The following DGKD variants were observed in gnomAD, a reference collection of about 807,000 sequenced individuals.
The protein encoded by DGKD is DAG kinase delta.
DGKD carries 68 observed loss-of-function variants against 154.4 expected under a neutral mutation model. That is an observed-to-expected ratio of 0.44 (90% CI 0.36 to 0.54). The LOEUF is 0.54. Among genes scored for constraint, DGKD ranks in the 20% least tolerant of loss-of-function variants. DGKD has a pLI of 0.00. For missense variants in DGKD, 1,343 were observed against 1,593.6 expected (o/e 0.84, Z 2.68); for synonymous variants, 693 against 638.0 (o/e 1.09, Z -1.30).
Position 233,464,060 on chromosome 2 carries a change from T to C in DGKD, c.3187-104T>C, listed in dbSNP as rs60111377. Reference sequence around the variant, plus strand: ...CGTTTCTGGAAAGTGAGCTCCCTGATCAGAGCAGAGCAGAGCCCTGGAGCG... The same window carrying C: ...CGTTTCTGGAAAGTGAGCTCCCTGACCAGAGCAGAGCAGAGCCCTGGAGCG... On this transcript the variant is annotated intron_variant, in intron 26 of 29. Coordinates refer to ENST00000264057, the MANE Select transcript of DGKD (RefSeq NM_152879.3). The C allele has an allele frequency of 3.0e-3, 4,464 of 1,488,930 alleles. 124 individuals carry two copies. The African/African-American group carries it at 0.055, about 18-fold the overall frequency. The allele number at this position is 1,488,930 out of a possible 1,614,324, so 92.2% of individuals were successfully genotyped here.
chr2:233,420,102 T>A (rs555018155), intron 3 of DGKD, among the ~76,000 whole-genome samples: 1 of 152,212 alleles, frequency 6.6e-6, no homozygotes, highest in South Asian at 2.1e-4. Flanking sequence ...GGCAGGGGCC[T>A]GGTGGGGTGT....
At position 233,464,159 on chromosome 2, in the gene DGKD, A is replaced by G; in HGVS notation, c.3187-5A>G. 1 of 1,613,314 alleles carries G rather than the reference A, an allele frequency of 6.2e-7. No individual in the cohort carries two copies. Among genetic ancestry groups the G allele is most frequent in the Non-Finnish European group, 8.5e-7 (1 of 1,180,016 alleles). On this transcript the variant is annotated splice_region_variant and splice_polypyrimidine_tract_variant and intron_variant, in intron 26 of 29. Transcript: ENST00000264057. ...TTTCTCTCTCCCTCCCTCCGCCTGG[A>G]GCAGCAGCTGGATCCGCCTCAGAAG... is the stretch of plus-strand genomic sequence containing the variant.
Position 233,458,344 on chromosome 2 carries a change from A to G in DGKD, c.2641A>G (p.Met881Val), listed in dbSNP as rs1430590835. 1 of 1,612,376 alleles carries G rather than the reference A, an allele frequency of 6.2e-7. No individual in the cohort carries two copies. Among genetic ancestry groups the G allele is most frequent in the Non-Finnish European group, 8.5e-7 (1 of 1,179,924 alleles). The change falls in exon 22 of 30, where the codon ATG becomes GTG. Residue 881 changes from methionine (M) to valine (V), a missense_variant. This residue lies in a region of DGKD where 429 missense variants were observed against 496.3 expected (regional missense o/e 0.86). Transcript: ENST00000264057. This position sits in a 1 kb window ranked among gnomAD's most constrained non-coding sequence, Gnocchi z 6.6. ...ILEVVAVFGS[M>V]QMAVSRVIRL... ...GGAGGTGGTCGCCGTGTTCGGCAGC[A>G]TGCAGATGGCCGTCTCTCGAGTCAT... is the stretch of plus-strand genomic sequence containing the variant.
At chr2:233,370,045 A>C (rs1280883018) in intron 1 of DGKD, among the ~76,000 whole-genome samples, 1 of 152,106 alleles carries the variant, frequency 6.6e-6, no homozygotes, top group African/African-American at 2.4e-5. Context: ...AAGTACATTA[A>C]TGGTATTGTG....
chr2:233,417,655 T>C (rs1172691919), intron 3 of DGKD, among the ~76,000 whole-genome samples: 1 of 152,172 alleles, frequency 6.6e-6, no homozygotes, highest in Non-Finnish European at 1.5e-5. Context: ...TTATAGATAA[T>C]TAAGTGCAGA....
At chr2:233,399,605 G>T (rs1330823085) in intron 3 of DGKD, among the ~76,000 whole-genome samples, 2 of 152,324 alleles carry the variant, frequency 1.3e-5, no homozygotes, top group Non-Finnish European at 2.9e-5. Flanking sequence ...GGTGCGCTGG[G>T]TGAGCAGCCT....
chr2:233,420,804 G>A (rs1476903821), intron 3 of DGKD, among the ~76,000 whole-genome samples: 1 of 152,200 alleles, frequency 6.6e-6, no homozygotes, highest in Admixed American at 6.5e-5. Flanking sequence ...GCTGGTTTTC[G>A]TGGCCTCTGT....
At chr2:233,446,578 A>G in intron 11 of DGKD, 134 bp from the exon 12 acceptor site, 1 of 818,602 alleles carries the variant, frequency 1.2e-6, no homozygotes, top group East Asian at 2.6e-5. Flanking sequence ...GACAGAGTCA[A>G]GACCAAGGGC....
chr2:233,423,048 G>A (rs1218954846), intron 3 of DGKD, among the ~76,000 whole-genome samples: 1 of 152,168 alleles, frequency 6.6e-6, no homozygotes, highest in South Asian at 2.1e-4. Flanking sequence ...TTCACTCAGC[G>A]TAATTCCCTG....
intron 19 of DGKD, among the ~76,000 whole-genome samples, chr2:233,455,915 C>G (rs1005790630): frequency 6.6e-6 from 1 of 152,208 alleles, no homozygotes; most frequent in African/African-American, 2.4e-5. Flanking sequence ...AGGGACATAT[C>G]CCTGTACAGC....
chr2:233,464,967 A>G (rs1190047042), intron 27 of DGKD, among the ~76,000 whole-genome samples: 2 of 152,250 alleles, frequency 1.3e-5, no homozygotes, highest in Non-Finnish European at 2.9e-5. Context: ...AAACCTGGGC[A>G]CCCCTGCCCA....
chr2:233,386,478 G>C (rs1703185333), intron 1 of DGKD, among the ~76,000 whole-genome samples: 1 of 145,734 alleles, frequency 6.9e-6, no homozygotes. Context: ...GTCTGCCTTG[G>C]ATCACCCTTG....
chr2:233,403,747 C>T (rs541165478), intron 3 of DGKD, among the ~76,000 whole-genome samples: 2 of 151,358 alleles, frequency 1.3e-5, no homozygotes, highest in South Asian at 4.2e-4. Context: ...TCAAGCAATT[C>T]TCCTGCCTCA....
Position 233,467,215 on chromosome 2 carries a change from T to A in DGKD, c.3424+12T>A. On this transcript the variant is annotated intron_variant, in intron 28 of 29. Transcript: ENST00000264057. ...CCTGGGAGCCCCGGGTACCTGCCTCTCTCCCGCGTGTGTTTCTGGCCGTCC... is the reference window on the plus strand; with the variant it reads ...CCTGGGAGCCCCGGGTACCTGCCTCACTCCCGCGTGTGTTTCTGGCCGTCC... 6.3e-7 allele frequency: 1 copy of A among 1,583,806 alleles called. No homozygotes were observed. Among genetic ancestry groups the A allele is most frequent in the Non-Finnish European group, 8.7e-7 (1 of 1,152,444 alleles).
rs1391370144 is a variant in DGKD at position 233,354,809 on chromosome 2, CT to C, written c.156+136del. ...CGGGGTCCCGCGGGCGTCACCGCCCCTGTCGAGCGTGCCCCGCCGCTGTAAC... is the reference window on the plus strand; with the variant it reads ...CGGGGTCCCGCGGGCGTCACCGCCCCGTCGAGCGTGCCCCGCCGCTGTAAC... On this transcript the variant is annotated intron_variant, in intron 1 of 29. Coordinates refer to ENST00000264057, the MANE Select transcript of DGKD (RefSeq NM_152879.3). This position sits in a 1 kb window ranked among gnomAD's most constrained non-coding sequence, Gnocchi z 4.8. 5 of 355,508 alleles carry C rather than the reference CT, an allele frequency of 1.4e-5. No homozygotes were observed. The highest frequency in any genetic ancestry group is 1.9e-5 in the Non-Finnish European group (5 of 257,298). 22.0% of individuals were successfully genotyped at this position (355,508 alleles called of 1,614,324 possible).
chr2:233,410,230 C>T (rs891879821), intron 3 of DGKD, among the ~76,000 whole-genome samples: 1 of 150,186 alleles, frequency 6.7e-6, no homozygotes, highest in African/African-American at 2.5e-5. Context: ...GCTTCCACCC[C>T]ATTCTTTGAT....
intron 1 of DGKD, among the ~76,000 whole-genome samples, chr2:233,357,588 A>T (rs1173648838): frequency 7.2e-6 from 1 of 138,692 alleles, no homozygotes; most frequent in Non-Finnish European, 1.5e-5. Context: ...CCCAGGCTGG[A>T]GTGCAGTGGT....
rs1210497559 is a variant in DGKD, at chr2:233,354,507, T to G, written c.-12T>G. ...CCGCCCCCGCCCGCGGTGCGCGCGCTGGCCCGGCAGCATGGCGGCGGCGGC... is the reference window on the plus strand; with the variant it reads ...CCGCCCCCGCCCGCGGTGCGCGCGCGGGCCCGGCAGCATGGCGGCGGCGGC... On this transcript the variant is annotated 5_prime_UTR_variant, in exon 1 of 30. Coordinates refer to ENST00000264057, the MANE Select transcript of DGKD (RefSeq NM_152879.3). The surrounding 1 kb of genome is among the most constrained non-coding windows in gnomAD (Gnocchi z 4.8). 1.0e-6 allele frequency: 1 copy of G among 973,248 alleles called. No homozygotes were observed. Among genetic ancestry groups the G allele is most frequent in the Admixed American group, 6.5e-5 (1 of 15,452 alleles). The allele number at this position is 973,248 out of a possible 1,614,324, so 60.3% of individuals were successfully genotyped here.
chr2:233,401,753 C>A (rs967479676), intron 3 of DGKD, among the ~76,000 whole-genome samples: 2 of 151,760 alleles, frequency 1.3e-5, no homozygotes, highest in African/African-American at 4.8e-5. Flanking sequence ...AACCCCGTCT[C>A]TACTAAAAAT....
Sources: gnomAD v4.1 joint callset for allele counts (sites outside exome capture counted in the v4.1 genomes callset) on GRCh38, gnomAD v4.1.1 for gene constraint, gnomAD v4.1.1 regional missense constraint, Gnocchi (gnomAD v3.1) non-coding constraint, MANE v1.5 for transcripts, NCBI Gene and HGNC (gene_info 2026-07-23, HGNC 2026-07-21) for gene names.